The following KCND3 variants were observed in gnomAD, a reference collection of about 807,000 sequenced individuals.
KCND3 encodes potassium voltage-gated channel subfamily D member 3, also known as A-type voltage-gated potassium channel KCND3.
Under a neutral mutation model 51.1 loss-of-function variants are expected in KCND3, and 9 were observed. The ratio of observed to expected loss-of-function variants is 0.18; its 90% CI spans 0.11 to 0.31. The LOEUF (loss-of-function observed/expected upper bound fraction) is 0.31. KCND3 is among the 10% of genes least tolerant of loss of function. The probability of loss-of-function intolerance (pLI) is 1.00; values close to 1 mark genes in which losing one functional copy is unlikely to be tolerated. For missense variants in KCND3, 526 were observed against 903.8 expected (o/e 0.58, Z 5.36); for synonymous variants, 349 against 368.0 (o/e 0.95, Z 0.59).
chr1:111,986,594 T>A (rs1308879083), intron 1 of KCND3, among the ~76,000 whole-genome samples: 1 of 152,200 alleles, frequency 6.6e-6, no homozygotes, highest in Non-Finnish European at 1.5e-5. Context: ...CTCAGAGTCT[T>A]CCTCTGTAAA....
intron 2 of KCND3, among the ~76,000 whole-genome samples, chr1:111,892,685 G>A (rs1282623725): frequency 6.6e-6 from 1 of 152,228 alleles, no homozygotes; most frequent in South Asian, 2.1e-4. Flanking sequence ...AATGGGTAAT[G>A]TGATCGGATG....
intron 2 of KCND3, among the ~76,000 whole-genome samples, chr1:111,869,292 T>G (rs1030231617): frequency 1.3e-5 from 2 of 152,218 alleles, no homozygotes; most frequent in Non-Finnish European, 2.9e-5. Flanking sequence ...ACAGAGCTCC[T>G]AGAGGCTCCT....
chr1:111,897,406 C>T (rs946462600), intron 2 of KCND3, among the ~76,000 whole-genome samples: 1 of 152,248 alleles, frequency 6.6e-6, no homozygotes, highest in Admixed American at 6.5e-5. Flanking sequence ...TCCTTTCAGA[C>T]ATTGCATCTG....
chr1:111,981,340 A>C lies in KCND3; in HGVS notation c.1106+281T>G, dbSNP rs1490788288. Reference sequence around the variant, plus strand: ...CACCTCACCCCGAGACTTCACACGCACACAAGGCATGGCTGAAAAAAGAAT... The same window carrying C: ...CACCTCACCCCGAGACTTCACACGCCCACAAGGCATGGCTGAAAAAAGAAT... On this transcript the variant is annotated intron_variant, in intron 2 of 7. Transcript: ENST00000302127. The surrounding 1 kb of genome is among the most constrained non-coding windows in gnomAD (Gnocchi z 6.2). Among the ~76,000 whole-genome samples the C allele has an allele frequency of 2.6e-5, 4 of 152,108 alleles. No homozygotes were observed.
intron 2 of KCND3, among the ~76,000 whole-genome samples, chr1:111,932,324 C>T (rs1266038604): frequency 6.6e-6 from 1 of 152,210 alleles, no homozygotes; most frequent in Non-Finnish European, 1.5e-5. Flanking sequence ...CCCACAAGGG[C>T]CAGCTCTTAA....
intron 2 of KCND3, among the ~76,000 whole-genome samples, chr1:111,978,082 T>C (rs1042290497): frequency 6.6e-6 from 1 of 152,234 alleles, no homozygotes; most frequent in Non-Finnish European, 1.5e-5. Context: ...TGACAGCAGC[T>C]GGGCTGTTAT....
intron 2 of KCND3, among the ~76,000 whole-genome samples, chr1:111,958,243 G>A (rs191925164): frequency 6.6e-6 from 1 of 152,292 alleles, no homozygotes; most frequent in Admixed American, 6.5e-5. Flanking sequence ...CATGTAAAGA[G>A]CATCCAACCT....
chr1:111,968,086 G>A (rs983997134), intron 2 of KCND3, among the ~76,000 whole-genome samples: 6 of 152,212 alleles, frequency 3.9e-5, no homozygotes, highest in Non-Finnish European at 5.9e-5. Flanking sequence ...CACACAATGC[G>A]TGGGGGTGAG....
chr1:111,846,521 C>T (rs144327158), intron 2 of KCND3, among the ~76,000 whole-genome samples: 322 of 152,256 alleles, frequency 2.1e-3, no homozygotes, highest in African/African-American at 7.4e-3. Context: ...GTAGTTGAGC[C>T]TATGGACAAT....
intron 2 of KCND3, among the ~76,000 whole-genome samples, chr1:111,917,591 G>A (rs1254323976): frequency 1.3e-5 from 2 of 152,148 alleles, no homozygotes; most frequent in Non-Finnish European, 2.9e-5. Flanking sequence ...AATCGGGGAG[G>A]GCCATTGGAA....
chr1:111,795,844 A>G (rs1383005732), intron 2 of KCND3, among the ~76,000 whole-genome samples: 2 of 152,228 alleles, frequency 1.3e-5, no homozygotes, highest in African/African-American at 4.8e-5. Context: ...CCTCACCAGC[A>G]TCTATTATTT....
At chr1:111,848,034 C>T (rs1667638219) in intron 2 of KCND3, among the ~76,000 whole-genome samples, 1 of 152,232 alleles carries the variant, frequency 6.6e-6, no homozygotes, top group Non-Finnish European at 1.5e-5. Context: ...TCCTTTGCTG[C>T]CACCTCACCT....
intron 2 of KCND3, among the ~76,000 whole-genome samples, chr1:111,935,807 C>G (rs921862908): frequency 1.3e-5 from 2 of 152,166 alleles, no homozygotes; most frequent in African/African-American, 4.8e-5. Flanking sequence ...GACTGCAGAT[C>G]CAGAGAGTTC....
intron 2 of KCND3, among the ~76,000 whole-genome samples, chr1:111,893,939 C>T (rs998507240): frequency 2.0e-5 from 3 of 152,104 alleles, no homozygotes; most frequent in Non-Finnish European, 2.9e-5. Flanking sequence ...GGTCCATGCC[C>T]CCATCACTCA....
intron 2 of KCND3, among the ~76,000 whole-genome samples, chr1:111,876,777 G>A (rs1048831349): frequency 1.1e-4 from 17 of 152,234 alleles, no homozygotes; most frequent in African/African-American, 4.1e-4. Context: ...AGGAGCAAAG[G>A]GAAATGTATA....
Position 111,808,830 on chromosome 1 carries a change from G to A in KCND3, c.1107-21724C>T, listed in dbSNP as rs149006139. On this transcript the variant is annotated intron_variant, in intron 2 of 7. Coordinates refer to ENST00000302127, the MANE Select transcript of KCND3 (RefSeq NM_001378969.1). Reference sequence around the variant, plus strand: ...GCATTAAATACTTGTGCTCTGCAGCGCCTGTTTAAGGACTTGGAGAACCAA... The same window carrying A: ...GCATTAAATACTTGTGCTCTGCAGCACCTGTTTAAGGACTTGGAGAACCAA... Among the ~76,000 whole-genome samples, 907 of 152,316 alleles carry A rather than the reference G, an allele frequency of 6.0e-3. 8 individuals carry two copies. Among genetic ancestry groups the A allele is most frequent in the African/African-American group, 0.021 (873 of 41,572 alleles).
chr1:111,890,625 A>C (rs1669782467), intron 2 of KCND3, among the ~76,000 whole-genome samples: 1 of 152,194 alleles, frequency 6.6e-6, no homozygotes, highest in Non-Finnish European at 1.5e-5. Flanking sequence ...GAGTTTTTAA[A>C]GGTGGGAGAC....
intron 2 of KCND3, among the ~76,000 whole-genome samples, chr1:111,958,941 T>C (rs1203813589): frequency 1.3e-5 from 2 of 152,220 alleles, no homozygotes; most frequent in Admixed American, 1.3e-4. Context: ...GCTCTGCCAT[T>C]ATGCATCTTG....
At chr1:111,839,222 T>A (rs682348) in intron 2 of KCND3, among the ~76,000 whole-genome samples, 25,575 of 152,252 alleles carry the variant, frequency 0.17, 2,306 homozygotes, top group Non-Finnish European at 0.21. Flanking sequence ...ATTTCAGCTA[T>A]TGTATCTGCC....
Sources: allele counts gnomAD v4.1 joint callset (sites outside exome capture counted in the v4.1 genomes callset), GRCh38; gene constraint gnomAD v4.1.1; non-coding constraint Gnocchi (gnomAD v3.1); transcripts MANE v1.5; gene names NCBI Gene and HGNC (gene_info 2026-07-23, HGNC 2026-07-21).